Variants in ARSB observed in about 807,000 individuals in gnomAD.
The protein encoded by ARSB is N-acetylgalactosamine-4-sulfatase.
In ARSB, 41 loss-of-function variants were observed where a neutral mutation model predicts 50.9. That is an observed-to-expected ratio of 0.81 (90% CI 0.63 to 1.04). The LOEUF (loss-of-function observed/expected upper bound fraction) is 1.04. Ranked by LOEUF, ARSB falls within the 50% of genes least tolerant of loss-of-function variation. The probability of loss-of-function intolerance (pLI) is 0.00; values close to 1 mark genes in which losing one functional copy is unlikely to be tolerated. For synonymous variants in ARSB, 269 were observed against 284.8 expected (o/e 0.94, Z 0.56); for missense variants, 672 against 693.3 (o/e 0.97, Z 0.35).
rs567076775 is a variant in ARSB at position 78,919,648 on chromosome 5, A to G, written c.899-33821T>C. Among the ~76,000 whole-genome samples, 207 of 152,072 alleles carry G rather than the reference A, an allele frequency of 1.4e-3. 2 individuals are homozygous for G. The highest frequency in any genetic ancestry group is 1.7e-3 in the Non-Finnish European group (118 of 67,984). On this transcript the variant is annotated intron_variant, in intron 4 of 7. Transcript: ENST00000264914. Reference sequence around the variant, plus strand: ...GCTGGGATTACAGGTGTGTGCCACCACACCCGGATAATTTTTGTATTTTTA... The same window carrying G: ...GCTGGGATTACAGGTGTGTGCCACCGCACCCGGATAATTTTTGTATTTTTA...
At chr5:78,827,557 G>A (rs1005023042) in intron 6 of ARSB, among the ~76,000 whole-genome samples, 8 of 152,144 alleles carry the variant, frequency 5.3e-5, no homozygotes, top group Non-Finnish European at 7.3e-5. Context: ...TGCTGAGATG[G>A]ATTCCAAGGA....
chr5:78,790,365 TA>T lies in ARSB; in HGVS notation c.1214-8392del, dbSNP rs1038470520. Among the ~76,000 whole-genome samples, 9 of 152,300 alleles carry T rather than the reference TA, an allele frequency of 5.9e-5. No individual in the cohort carries two copies. The South Asian group carries it at 1.7e-3, about 28-fold the overall frequency. The stretch of plus-strand genomic sequence containing the variant: ...TTGTTGTGAGGTCTAAATGCAACGA[TA>T]CATTAAAAATGTCTAGTACTAAGTA... On this transcript the variant is annotated intron_variant, in intron 6 of 7. Coordinates refer to ENST00000264914, the MANE Select transcript of ARSB (RefSeq NM_000046.5).
intron 3 of ARSB, 86 bp from the exon 4 acceptor site, chr5:78,955,588 A>T: frequency 9.2e-7 from 1 of 1,091,954 alleles, no homozygotes; most frequent in Non-Finnish European, 1.4e-6. Flanking sequence ...TTATGCATTA[A>T]TAAAAATAAT....
At chr5:78,938,946 C>T (rs1750760147) in intron 4 of ARSB, among the ~76,000 whole-genome samples, 1 of 152,198 alleles carries the variant, frequency 6.6e-6, no homozygotes, top group Non-Finnish European at 1.5e-5. Context: ...GGACACTTCA[C>T]TGCAGGACTG....
rs77876007 is a variant in ARSB, at chr5:78,876,253, A to G, written c.1142+9331T>C. On this transcript the variant is annotated intron_variant, in intron 5 of 7. Coordinates refer to ENST00000264914, the MANE Select transcript of ARSB (RefSeq NM_000046.5). ...AGAGTTATAAGATTTAAAGTATTCAATTGCAAAAAGCTGGGTCTGTACTGA... is the reference window on the plus strand; with the variant it reads ...AGAGTTATAAGATTTAAAGTATTCAGTTGCAAAAAGCTGGGTCTGTACTGA... 2.0e-3 allele frequency among the ~76,000 whole-genome samples: 300 copies of G among 152,288 alleles called. 5 individuals carry two copies. In the East Asian group the frequency reaches 0.046, roughly 23 times the overall value.
chr5:78,836,845 T>C (rs1283058280), intron 6 of ARSB, among the ~76,000 whole-genome samples: 1 of 152,162 alleles, frequency 6.6e-6, no homozygotes, highest in Non-Finnish European at 1.5e-5. Context: ...ACAGGAATCA[T>C]GGCTGGGGAG....
At chr5:78,887,527 T>A (rs919601946) in intron 4 of ARSB, among the ~76,000 whole-genome samples, 2 of 152,222 alleles carry the variant, frequency 1.3e-5, no homozygotes, top group Admixed American at 1.3e-4. Context: ...CACTACTTCA[T>A]GTATTATGAT....
chr5:78,918,397 A>G (rs766663994), intron 4 of ARSB, among the ~76,000 whole-genome samples: 1 of 152,204 alleles, frequency 6.6e-6, no homozygotes, highest in African/African-American at 2.4e-5. Flanking sequence ...ACTTTCTTAC[A>G]CTGAAAAAAA....
intron 6 of ARSB, among the ~76,000 whole-genome samples, chr5:78,798,427 C>T (rs970775224): frequency 6.6e-6 from 1 of 151,650 alleles, no homozygotes; most frequent in East Asian, 1.9e-4. Context: ...CAAAATATTC[C>T]TCTTCAGCCT....
At chr5:78,850,205 T>C (rs1458245204) in intron 5 of ARSB, among the ~76,000 whole-genome samples, 1 of 152,270 alleles carries the variant, frequency 6.6e-6, no homozygotes, top group Non-Finnish European at 1.5e-5. Context: ...TTGTCATAGA[T>C]AGCTCTTATT....
chr5:78,837,881 C>T (rs956106568), intron 6 of ARSB, among the ~76,000 whole-genome samples: 6 of 152,094 alleles, frequency 3.9e-5, no homozygotes, highest in African/African-American at 7.2e-5. Flanking sequence ...TTGCCCTTGC[C>T]TCTCTCACTG....
intron 5 of ARSB, among the ~76,000 whole-genome samples, chr5:78,857,201 T>C (rs188143091): frequency 1.3e-5 from 2 of 152,354 alleles, no homozygotes; most frequent in East Asian, 1.9e-4. Flanking sequence ...GCTCCCTTTA[T>C]GAAACACACT....
rs1319616782 is a variant in ARSB at position 78,964,719 on chromosome 5, AAT to A, written c.500-115_500-114del. On this transcript the variant is annotated intron_variant, in intron 2 of 7. Transcript: ENST00000264914. ...TGATTACCCGTGACGAGGCTAATCA[AAT>A]GACAAGGCTAATCAGCACCATTTCT... The A allele has an allele frequency of 6.0e-6, 6 of 995,248 alleles. No individual in the cohort carries two copies. The African/African-American group carries it at 8.0e-5, about 13-fold the overall frequency. 61.7% of individuals were successfully genotyped at this position (995,248 alleles called of 1,614,324 possible).
At chr5:78,785,723 C>T (rs2112624237) in intron 6 of ARSB, among the ~76,000 whole-genome samples, 1 of 152,308 alleles carries the variant, frequency 6.6e-6, no homozygotes, top group South Asian at 2.1e-4. Context: ...ATCCTAATCT[C>T]CCAGAACCTA....
intron 5 of ARSB, among the ~76,000 whole-genome samples, chr5:78,879,667 T>G (rs1389616955): frequency 6.6e-6 from 1 of 152,216 alleles, no homozygotes; most frequent in Non-Finnish European, 1.5e-5. Flanking sequence ...ATCGGGTGTC[T>G]CTGACATTTG....
At chr5:78,972,363 C>T (rs181326999) in intron 1 of ARSB, among the ~76,000 whole-genome samples, 5 of 152,318 alleles carry the variant, frequency 3.3e-5, no homozygotes, top group Non-Finnish European at 7.3e-5. Flanking sequence ...TTGCCCCACA[C>T]ATTCACACCT....
At chr5:78,805,469 C>T (rs956614724) in intron 6 of ARSB, among the ~76,000 whole-genome samples, 1 of 152,326 alleles carries the variant, frequency 6.6e-6, no homozygotes. Flanking sequence ...GTTATTGTTA[C>T]TTCTAATTGT....
At chr5:78,783,018 T>C (rs1222716375) in intron 6 of ARSB, among the ~76,000 whole-genome samples, 1 of 152,166 alleles carries the variant, frequency 6.6e-6, no homozygotes, top group Non-Finnish European at 1.5e-5. Flanking sequence ...AGAGTTCTAC[T>C]CTTGTGGAAG....
chr5:78,980,974 G>A (rs1320145847), intron 1 of ARSB, among the ~76,000 whole-genome samples: 1 of 3,690 alleles, frequency 2.7e-4, no homozygotes, highest in African/African-American at 4.9e-3. Flanking sequence ...TTTTTGAGAC[G>A]GAGTCTCGCT....
Sources: allele counts gnomAD v4.1 joint callset (sites outside exome capture counted in the v4.1 genomes callset), GRCh38; gene constraint gnomAD v4.1.1; transcripts MANE v1.5; gene names NCBI Gene and HGNC (gene_info 2026-07-23, HGNC 2026-07-21).